The following ILRUN variants were observed in gnomAD, a reference collection of about 807,000 sequenced individuals.
ILRUN encodes the protein inflammation and lipid regulator with UBA-like and NBR1-like domains.
Under a neutral mutation model 33.8 loss-of-function variants are expected in ILRUN, and 3 were observed. The ratio of observed to expected loss-of-function variants is 0.09; its 90% CI spans 0.04 to 0.23. The LOEUF (loss-of-function observed/expected upper bound fraction) is 0.23. Ranked by LOEUF, ILRUN falls within the 10% of genes least tolerant of loss-of-function variation. The probability of loss-of-function intolerance (pLI) is 1.00; values close to 1 mark genes in which losing one functional copy is unlikely to be tolerated. For synonymous variants in ILRUN, 124 were observed against 138.9 expected (o/e 0.89, Z 0.75); for missense variants, 210 against 375.1 (o/e 0.56, Z 3.64).
In ILRUN at chr6:34,632,542, C is replaced by T. The variant is rs187242427; in HGVS notation, c.511+14059G>A. Among the ~76,000 whole-genome samples the T allele has an allele frequency of 3.8e-4, 57 of 150,812 alleles. 1 individual carries two copies. The highest frequency in any genetic ancestry group is 1.5e-3 in the Admixed American group (23 of 15,132). On this transcript the variant is annotated intron_variant, in intron 3 of 4. Transcript: ENST00000374023. ...TAATAAATCATGTATTTCTTTTTAT[C>T]AGAGCAAATAATTTTTTTTTTTTTT...
chr6:34,672,418 A>G (rs1409280800), intron 1 of ILRUN, among the ~76,000 whole-genome samples: 1 of 152,034 alleles, frequency 6.6e-6, no homozygotes, highest in Non-Finnish European at 1.5e-5. Flanking sequence ...CCACTCTTAA[A>G]TAGGAGTACG....
chr6:34,666,008 AC>A (rs1448781619), intron 1 of ILRUN, among the ~76,000 whole-genome samples: 10 of 151,972 alleles, frequency 6.6e-5, no homozygotes, highest in African/African-American at 2.4e-4. Flanking sequence ...AGAAAAATGC[AC>A]CCTAGGATAT....
chr6:34,650,458 G>A (rs759904636), intron 2 of ILRUN, among the ~76,000 whole-genome samples: 45 of 142,132 alleles, frequency 3.2e-4, no homozygotes, highest in Admixed American at 6.4e-4. Context: ...TTTATGAGTC[G>A]GAGTCTCTGC....
At position 34,605,926 on chromosome 6, in the gene ILRUN, C is replaced by G. The variant is rs140107651; in HGVS notation, c.861+629G>C. Among the ~76,000 whole-genome samples the G allele has an allele frequency of 2.3e-3, 343 of 152,272 alleles. 1 individual carries two copies. The highest frequency in any genetic ancestry group is 7.7e-3 in the African/African-American group (321 of 41,554). ...AGCATCAGGGCTTTATTCAACCAAC[C>G]AAAACCAACAACCAGGCACCATCAT... On this transcript the variant is annotated intron_variant, in intron 4 of 4. Coordinates refer to ENST00000374023, the MANE Select transcript of ILRUN (RefSeq NM_024294.4).
At chr6:34,644,980 A>G (rs1325822682) in intron 3 of ILRUN, among the ~76,000 whole-genome samples, 1 of 152,188 alleles carries the variant, frequency 6.6e-6, no homozygotes, top group Non-Finnish European at 1.5e-5. Context: ...CGTGAGCCTT[A>G]TATCCTGTGC....
chr6:34,591,743 C>T (rs1761298272), intron 4 of ILRUN, among the ~76,000 whole-genome samples: 1 of 152,146 alleles, frequency 6.6e-6, no homozygotes, highest in Non-Finnish European at 1.5e-5. Context: ...CCTGTCTCGG[C>T]TTCCCAAAGT....
chr6:34,655,087 G>GT (rs1353214367), intron 1 of ILRUN, among the ~76,000 whole-genome samples: 1 of 152,016 alleles, frequency 6.6e-6, no homozygotes, highest in African/African-American at 2.4e-5. Flanking sequence ...TTAAAAGAGA[G>GT]TTCTATAACT....
intron 3 of ILRUN, among the ~76,000 whole-genome samples, chr6:34,645,113 A>G (rs573913662): frequency 6.6e-6 from 1 of 152,316 alleles, no homozygotes; most frequent in Admixed American, 6.5e-5. Context: ...CCAAAAACAT[A>G]TATGAGATCA....
chr6:34,662,926 A>T (rs748632057), intron 1 of ILRUN, among the ~76,000 whole-genome samples: 1 of 152,098 alleles, frequency 6.6e-6, no homozygotes, highest in Non-Finnish European at 1.5e-5. Context: ...TTAAAAGAAA[A>T]TTAAAAATTA....
At chr6:34,683,495 T>TACATATATATATAC (rs1423900408) in intron 1 of ILRUN, among the ~76,000 whole-genome samples, 1 of 91,986 alleles carries the variant, frequency 1.1e-5, no homozygotes, top group African/African-American at 6.6e-5. Flanking sequence ...TACATATATA[T>TACATATATATATAC]ATACATATAT....
intron 3 of ILRUN, among the ~76,000 whole-genome samples, chr6:34,641,956 C>T (rs76889741): frequency 0.012 from 1,874 of 152,156 alleles, 45 homozygotes; most frequent in African/African-American, 0.04. Flanking sequence ...CTCTTACTAG[C>T]TTATTATAAC....
chr6:34,681,992 C>T (rs1763368168), intron 1 of ILRUN, among the ~76,000 whole-genome samples: 1 of 148,266 alleles, frequency 6.7e-6, no homozygotes, highest in Non-Finnish European at 1.5e-5. Context: ...GTTGGGATTA[C>T]AGGTGCATGC....
At chr6:34,629,672 C>T (rs1356105715) in intron 3 of ILRUN, among the ~76,000 whole-genome samples, 1 of 152,100 alleles carries the variant, frequency 6.6e-6, no homozygotes, top group Non-Finnish European at 1.5e-5. Flanking sequence ...TTGGTGTTCT[C>T]TGAGCTTCCT....
chr6:34,666,035 A>C (rs1161461716), intron 1 of ILRUN, among the ~76,000 whole-genome samples: 1 of 152,160 alleles, frequency 6.6e-6, no homozygotes, highest in Admixed American at 6.5e-5. Context: ...TAAGAGAAAA[A>C]TCTATAGCCC....
At chr6:34,630,508 C>G (rs374064140) in intron 3 of ILRUN, among the ~76,000 whole-genome samples, 1 of 152,068 alleles carries the variant, frequency 6.6e-6, no homozygotes, top group Non-Finnish European at 1.5e-5. Context: ...CTCAGCCTCC[C>G]GAGTAGCTGG....
intron 3 of ILRUN, among the ~76,000 whole-genome samples, chr6:34,640,254 C>T (rs893953082): frequency 6.6e-6 from 1 of 151,974 alleles, no homozygotes; most frequent in African/African-American, 2.4e-5. Flanking sequence ...GAAGTGTCCA[C>T]ACCACATGCC....
In ILRUN at chr6:34,681,485, C is replaced by T. The variant is rs74976106; in HGVS notation, c.158+14961G>A. On this transcript the variant is annotated intron_variant, in intron 1 of 4. Transcript: ENST00000374023. ...TTAGAAAGAGTTTAAACCCTTTCACCGGGTGTGGCGGCTCATGCCTGAAAT... is the reference window on the plus strand; with the variant it reads ...TTAGAAAGAGTTTAAACCCTTTCACTGGGTGTGGCGGCTCATGCCTGAAAT... Among the ~76,000 whole-genome samples, 857 of 152,160 alleles carry T rather than the reference C, an allele frequency of 5.6e-3. 6 individuals carry two copies. Among genetic ancestry groups the T allele is most frequent in the Non-Finnish European group, 7.3e-3 (496 of 68,014 alleles).
chr6:34,601,673 G>T (rs191186684), intron 4 of ILRUN, among the ~76,000 whole-genome samples: 1 of 151,280 alleles, frequency 6.6e-6, no homozygotes. Context: ...TAGAACAAAA[G>T]ATCTGCCTTT....
At chr6:34,609,014 G>A (rs1761689534) in intron 3 of ILRUN, among the ~76,000 whole-genome samples, 2 of 152,162 alleles carry the variant, frequency 1.3e-5, no homozygotes, top group African/African-American at 4.8e-5. Flanking sequence ...AACTGTCTAG[G>A]ATCCTAAATA....
Sources: allele counts gnomAD v4.1 joint callset (sites outside exome capture counted in the v4.1 genomes callset), GRCh38; gene constraint gnomAD v4.1.1; transcripts MANE v1.5; gene names NCBI Gene and HGNC (gene_info 2026-07-23, HGNC 2026-07-21).